MCC: variants seen among roughly 807,000 people sequenced by gnomAD.
MCC encodes colorectal mutant cancer protein.
Under a neutral mutation model 116.2 loss-of-function variants are expected in MCC, and 90 were observed. The observed-to-expected ratio is 0.77, with a 90% CI of 0.65 to 0.92. MCC has a LOEUF of 0.92. Among genes scored for constraint, MCC ranks in the 40% least tolerant of loss-of-function variants. The probability of loss-of-function intolerance (pLI) is 0.00; values close to 1 mark genes in which losing one functional copy is unlikely to be tolerated. For synonymous variants in MCC, 578 were observed against 510.5 expected (o/e 1.13, Z -1.78); for missense variants, 1,516 against 1,312.2 (o/e 1.16, Z -2.40).
intron 11 of MCC, among the ~76,000 whole-genome samples, chr5:113,074,638 GA>G (rs1394647350): frequency 6.6e-6 from 1 of 152,110 alleles, no homozygotes; most frequent in East Asian, 1.9e-4. Flanking sequence ...TAAAAACCTT[GA>G]AAAAAGATTA....
At chr5:113,323,387 C>T (rs1036523822) in intron 3 of MCC, 8 of 152,270 alleles carry the variant, frequency 5.3e-5, no homozygotes, top group African/African-American at 1.9e-4. Context: ...AACACACCTA[C>T]TTAAACAGGT....
chr5:113,041,419 T>A (rs983354967), intron 17 of MCC, among the ~76,000 whole-genome samples: 2 of 152,240 alleles, frequency 1.3e-5, no homozygotes, highest in Non-Finnish European at 2.9e-5. Flanking sequence ...GAAAGGCAGA[T>A]GTTTTCTTCT....
chr5:113,243,968 C>T (rs1452452615), intron 3 of MCC, among the ~76,000 whole-genome samples: 2 of 152,234 alleles, frequency 1.3e-5, no homozygotes, highest in Non-Finnish European at 2.9e-5. Context: ...TGGAGCCATG[C>T]AATGGATTGG....
chr5:113,049,120 G>A lies in MCC; in HGVS notation c.2628C>T (p.Ser876=), dbSNP rs1004282397. 5 of 1,614,068 alleles carry A rather than the reference G, an allele frequency of 3.1e-6. No homozygotes were observed. Among genetic ancestry groups the A allele is most frequent in the African/African-American group, 2.7e-5 (2 of 74,934 alleles). Residue 876 remains serine, a synonymous_variant, in exon 16 of 19, where the codon AGC becomes AGT. Transcript: ENST00000408903. The part of the protein sequence containing the change: ...EQRMRSLSST[S]SGSKDKPGKE... ...TGCCAGGTTTGTCTTTGCTGCCGCT[G>A]CTGGTGGAGCTGAGGGATCGCATCC...
At chr5:113,380,230 A>G (rs1769083738) in intron 2 of MCC, among the ~76,000 whole-genome samples, 1 of 152,234 alleles carries the variant, frequency 6.6e-6, no homozygotes. Flanking sequence ...CAACAGCACA[A>G]CATTCTTTCT....
At chr5:113,481,137 G>T (rs1392018225) in intron 1 of MCC, among the ~76,000 whole-genome samples, 1 of 152,152 alleles carries the variant, frequency 6.6e-6, no homozygotes, top group African/African-American at 2.4e-5. Flanking sequence ...TGAATATGAA[G>T]AAGTTTTAGA....
chr5:113,093,723 G>A (rs1414340266), intron 8 of MCC, among the ~76,000 whole-genome samples: 1 of 146,036 alleles, frequency 6.8e-6, no homozygotes, highest in Non-Finnish European at 1.5e-5. Context: ...TGGGAGCACA[G>A]ACAAGAGTCA....
intron 1 of MCC, among the ~76,000 whole-genome samples, chr5:113,401,845 A>C (rs1769696444): frequency 2.0e-5 from 3 of 151,794 alleles, no homozygotes; most frequent in African/African-American, 7.2e-5. Context: ...ACATATTTTT[A>C]AAATTATTAT....
chr5:113,092,456 C>G (rs909861071), intron 8 of MCC, among the ~76,000 whole-genome samples: 2 of 152,144 alleles, frequency 1.3e-5, no homozygotes, highest in Non-Finnish European at 2.9e-5. Flanking sequence ...GACTTCTGAC[C>G]CCCTAGGACT....
chr5:113,224,804 C>T (rs1395278429), intron 3 of MCC, among the ~76,000 whole-genome samples: 1 of 152,232 alleles, frequency 6.6e-6, no homozygotes, highest in Non-Finnish European at 1.5e-5. Context: ...TAAGTTCACA[C>T]TCCTGTTCGC....
At chr5:113,051,726 A>G (rs1387588584) in intron 15 of MCC, among the ~76,000 whole-genome samples, 1 of 126,842 alleles carries the variant, frequency 7.9e-6, no homozygotes, top group Non-Finnish European at 1.8e-5. Context: ...CCTGTTTCAA[A>G]ACAACAAACA....
At chr5:113,250,428 G>A (rs566224859) in intron 3 of MCC, among the ~76,000 whole-genome samples, 23 of 152,336 alleles carry the variant, frequency 1.5e-4, no homozygotes, top group Admixed American at 1.0e-3. Context: ...CATGACGCAG[G>A]CAGAGCTGGG....
chr5:113,034,275 C>T (rs769526712), intron 17 of MCC, among the ~76,000 whole-genome samples: 6 of 152,076 alleles, frequency 3.9e-5, no homozygotes, highest in African/African-American at 1.2e-4. Context: ...GAGGCAGCCT[C>T]GTGGTGTGAA....
At chr5:113,029,134 C>T (rs1186125239) in intron 17 of MCC, 78 bp from the exon 18 acceptor site, 48 of 1,441,768 alleles carry the variant, frequency 3.3e-5, no homozygotes, top group Non-Finnish European at 4.4e-5. Context: ...GAAGTGGTGA[C>T]AGAAAGAGGA....
At chr5:113,027,631 C>T in intron 18 of MCC, 149 bp from the exon 19 acceptor site, 1 of 760,478 alleles carries the variant, frequency 1.3e-6, no homozygotes, top group East Asian at 2.6e-5. Context: ...ATCTAGTGGT[C>T]AGAGGAGGGA....
chr5:113,139,327 C>G (rs1406588858), intron 5 of MCC, among the ~76,000 whole-genome samples: 2 of 152,126 alleles, frequency 1.3e-5, no homozygotes, highest in African/African-American at 4.8e-5. Flanking sequence ...TTCAGTTATT[C>G]AAACTGGTGA....
chr5:113,387,805 G>T (rs938378167), intron 1 of MCC, among the ~76,000 whole-genome samples: 4 of 152,134 alleles, frequency 2.6e-5, no homozygotes, highest in African/African-American at 7.2e-5. Context: ...ACTTAACATA[G>T]TTCCTGGCAC....
chr5:113,142,078 G>T (rs1759210183), intron 5 of MCC, among the ~76,000 whole-genome samples: 1 of 152,144 alleles, frequency 6.6e-6, no homozygotes, highest in East Asian at 1.9e-4. Context: ...AGTTTATTGT[G>T]TGGCTCCAGC....
intron 1 of MCC, among the ~76,000 whole-genome samples, chr5:113,402,158 G>A (rs1427681538): frequency 2.0e-5 from 3 of 152,078 alleles, no homozygotes; most frequent in Admixed American, 6.5e-5. Context: ...GCCCGACGTA[G>A]TGGCAGGCGC....
Sources: gnomAD v4.1 joint callset for allele counts (sites outside exome capture counted in the v4.1 genomes callset) on GRCh38, gnomAD v4.1.1 for gene constraint, MANE v1.5 for transcripts, NCBI Gene and HGNC (gene_info 2026-07-23, HGNC 2026-07-21) for gene names.